EPHX4: variants seen among roughly 807,000 people sequenced by gnomAD.
EPHX4 encodes the protein epoxide hydrolase 4, also known as abhydrolase domain containing 7.
Under a neutral mutation model 44.9 loss-of-function variants are expected in EPHX4, and 31 were observed. The ratio of observed to expected loss-of-function variants is 0.69; its 90% CI spans 0.52 to 0.93. The LOEUF (loss-of-function observed/expected upper bound fraction) is 0.93. Ranked by LOEUF, EPHX4 falls within the 40% of genes least tolerant of loss-of-function variation. The pLI, the probability that EPHX4 is intolerant of heterozygous loss-of-function variation, is 0.00. For missense variants in EPHX4, 373 were observed against 438.1 expected (o/e 0.85, Z 1.33); for synonymous variants, 151 against 159.7 (o/e 0.95, Z 0.41).
chr1:92,062,950 G>T, intron 6 of EPHX4, 105 bp from the exon 7 acceptor site: 1 of 961,238 alleles, frequency 1.0e-6, no homozygotes, highest in South Asian at 1.7e-5. Context: ...CCTTTTAGAG[G>T]CAAGATTGCT....
intron 2 of EPHX4, 85 bp from the exon 3 acceptor site, chr1:92,042,724 CAAAAAAAAAAAAAA>C: frequency 8.7e-6 from 6 of 687,246 alleles, no homozygotes; most frequent in South Asian, 2.5e-5. Context: ...AACTCTGTCT[CAAAAAAAAAAAAAA>C]AAAAAGAAAG....
chr1:92,039,182 G>T (rs1688478942), intron 2 of EPHX4, among the ~76,000 whole-genome samples: 1 of 152,150 alleles, frequency 6.6e-6, no homozygotes. Flanking sequence ...AGAATAATAA[G>T]CTAGAACTTC....
chr1:92,060,694 G>C (rs1407872130), intron 6 of EPHX4, among the ~76,000 whole-genome samples: 4 of 151,950 alleles, frequency 2.6e-5, no homozygotes, highest in African/African-American at 9.7e-5. Flanking sequence ...CAAAGTGGGT[G>C]GATCACATGA....
chr1:92,034,799 C>G (rs1028258535), intron 2 of EPHX4, among the ~76,000 whole-genome samples: 14 of 151,932 alleles, frequency 9.2e-5, no homozygotes, highest in Non-Finnish European at 1.6e-4. Context: ...GCACCACACC[C>G]AGCTAATTTT....
At chr1:92,055,023 A>G (rs1283259944) in intron 6 of EPHX4, among the ~76,000 whole-genome samples, 1 of 152,184 alleles carries the variant, frequency 6.6e-6, no homozygotes, top group Non-Finnish European at 1.5e-5. Context: ...TGATAAAATA[A>G]TAGAAATAGA....
intron 6 of EPHX4, among the ~76,000 whole-genome samples, chr1:92,060,121 G>A (rs6668529): frequency 0.068 from 10,398 of 152,080 alleles, 625 homozygotes; most frequent in African/African-American, 0.16. Flanking sequence ...AATATCATAA[G>A]GTTATTGGGG....
chr1:92,060,441 C>CA (rs111746173), intron 6 of EPHX4, among the ~76,000 whole-genome samples: 8,949 of 119,168 alleles, frequency 0.075, 422 homozygotes, highest in African/African-American at 0.16. Context: ...GACCCTGTCT[C>CA]AAAAAAAAAA....
intron 1 of EPHX4, among the ~76,000 whole-genome samples, chr1:92,031,790 G>A (rs886304081): frequency 6.6e-6 from 1 of 152,028 alleles, no homozygotes; most frequent in Admixed American, 6.6e-5. Flanking sequence ...TTGAATTCCT[G>A]ACTCATTCCC....
chr1:92,063,165 A>C lies in EPHX4; in HGVS notation c.968A>C (p.Lys323Thr), dbSNP rs370861227. 6.2e-7 allele frequency: 1 copy of C among 1,614,186 alleles called. No individual in the cohort carries two copies. The highest frequency in any genetic ancestry group is 8.5e-7 in the Non-Finnish European group (1 of 1,180,036). The change falls in exon 7 of 7, where the codon AAA becomes ACA. Residue 323 changes from lysine (K) to threonine (T), a missense_variant. By Grantham distance (78) the Lys-to-Thr change is moderately conservative (BLOSUM62 -1). Transcript: ENST00000370383. The part of the protein sequence containing the change: ...EMAEVTKIYV[K>T]NYFRLTILSE... Reference sequence around the variant, plus strand: ...GCTGAAGTCACAAAGATTTATGTTAAAAACTATTTCAGGCTAACTATTTTG... The same window carrying C: ...GCTGAAGTCACAAAGATTTATGTTACAAACTATTTCAGGCTAACTATTTTG...
At chr1:92,055,987 C>CAG (rs150445133) in intron 6 of EPHX4, among the ~76,000 whole-genome samples, 3,053 of 147,448 alleles carry the variant, frequency 0.021, 81 homozygotes, top group African/African-American at 0.062. Flanking sequence ...TGTTAATTAG[C>CAG]AGAGAGAGAG....
At chr1:92,031,932 C>G (rs924796518) in intron 1 of EPHX4, among the ~76,000 whole-genome samples, 10 of 152,028 alleles carry the variant, frequency 6.6e-5, no homozygotes, top group African/African-American at 2.4e-4. Flanking sequence ...ACAGAACATG[C>G]AACACTCAAA....
intron 1 of EPHX4, among the ~76,000 whole-genome samples, chr1:92,030,833 G>A (rs963365709): frequency 5.9e-5 from 9 of 152,174 alleles, no homozygotes; most frequent in African/African-American, 2.2e-4. Context: ...TAGGTTGCAT[G>A]AAACAATAAG....
chr1:92,054,456 G>C (rs1004767493), intron 6 of EPHX4, among the ~76,000 whole-genome samples: 6 of 151,960 alleles, frequency 3.9e-5, no homozygotes, highest in Non-Finnish European at 7.4e-5. Context: ...GGGTGTGGTG[G>C]CACATGCCTG....
chr1:92,059,947 A>G (rs1298510413), intron 6 of EPHX4, among the ~76,000 whole-genome samples: 1 of 151,744 alleles, frequency 6.6e-6, no homozygotes, highest in Admixed American at 6.6e-5. Flanking sequence ...CCAGCCTCGA[A>G]CTCCTGGCCT....
intron 1 of EPHX4, among the ~76,000 whole-genome samples, chr1:92,031,453 G>T (rs950232772): frequency 2.0e-5 from 3 of 152,122 alleles, no homozygotes; most frequent in Non-Finnish European, 4.4e-5. Context: ...TTTTCCCCTC[G>T]CTCTGGCCGC....
At chr1:92,049,484 G>A (rs889812523) in intron 4 of EPHX4, among the ~76,000 whole-genome samples, 3 of 152,116 alleles carry the variant, frequency 2.0e-5, no homozygotes, top group Non-Finnish European at 2.9e-5. Context: ...TTCATTGTTT[G>A]TGGGAACCTT....
chr1:92,059,648 G>C (rs887163731), intron 6 of EPHX4, among the ~76,000 whole-genome samples: 1 of 152,096 alleles, frequency 6.6e-6, no homozygotes, highest in African/African-American at 2.4e-5. Flanking sequence ...ATATATAAAA[G>C]TTCAAGATAC....
intron 2 of EPHX4, among the ~76,000 whole-genome samples, chr1:92,040,523 C>A (rs1688495558): frequency 6.6e-6 from 1 of 152,020 alleles, no homozygotes; most frequent in Non-Finnish European, 1.5e-5. Context: ...CGGGGTTTCT[C>A]CATATTGGTC....
intron 2 of EPHX4, among the ~76,000 whole-genome samples, chr1:92,042,566 A>T (rs888379299): frequency 2.0e-5 from 3 of 151,836 alleles, no homozygotes; most frequent in Non-Finnish European, 2.9e-5. Flanking sequence ...TCTACAAAAA[A>T]TTTTTTTAAT....
Sources: allele counts gnomAD v4.1 joint callset (sites outside exome capture counted in the v4.1 genomes callset), GRCh38; gene constraint gnomAD v4.1.1; transcripts MANE v1.5; gene names NCBI Gene and HGNC (gene_info 2026-07-23, HGNC 2026-07-21).